PRKCH: variants seen among roughly 807,000 people sequenced by gnomAD.
The protein encoded by PRKCH is protein kinase C eta, also known as protein kinase C eta type.
PRKCH carries 28 observed loss-of-function variants against 82.5 expected under a neutral mutation model. That is an observed-to-expected ratio of 0.34 (90% CI 0.25 to 0.47). The LOEUF (loss-of-function observed/expected upper bound fraction) is 0.47, where lower values mean the gene tolerates loss of function less well. PRKCH is among the 20% of genes least tolerant of loss of function. The pLI is 1.00. For synonymous variants in PRKCH, 322 were observed against 327.4 expected, an observed-to-expected ratio of 0.98 and a Z score of 0.18; for missense variants, 705 against 881.8, an observed-to-expected ratio of 0.80 and a Z score of 2.54.
chr14:61,351,638 A>G (rs1447257695), intron 1 of PRKCH, among the ~76,000 whole-genome samples: 1 of 152,166 alleles, frequency 6.6e-6, no homozygotes, highest in East Asian at 1.9e-4. Flanking sequence ...TGGAGGACGC[A>G]TGTTGGGTGT....
At chr14:61,245,070 A>G (rs7150683) in intron 1 of PRKCH, among the ~76,000 whole-genome samples, 110,147 of 152,162 alleles carry the variant, frequency 0.72, 40,609 homozygotes, top group Non-Finnish European at 0.79. Flanking sequence ...TGACATCTCT[A>G]TGTTTCTTGT....
At chr14:61,300,264 A>G (rs11158336) in intron 1 of PRKCH, among the ~76,000 whole-genome samples, 82,680 of 152,140 alleles carry the variant, frequency 0.54, 26,240 homozygotes, top group Non-Finnish European at 0.7. Flanking sequence ...CTTAGATAAC[A>G]TGTAACAGGA....
intron 10 of PRKCH, among the ~76,000 whole-genome samples, chr14:61,527,135 T>G (rs1249803926): frequency 1.3e-4 from 20 of 152,142 alleles, no homozygotes; most frequent in Admixed American, 1.3e-3. Flanking sequence ...ACAGACAGCT[T>G]TATCAGTACA....
At chr14:61,443,396 A>C in intron 3 of PRKCH, 135 bp downstream of exon 3, 1 of 866,438 alleles carries the variant, frequency 1.2e-6, no homozygotes, top group Non-Finnish European at 1.6e-6. Flanking sequence ...TTACTCTAGT[A>C]TGTTGACCCA....
At chr14:61,496,901 T>A (rs1594763194) in intron 10 of PRKCH, among the ~76,000 whole-genome samples, 1 of 152,206 alleles carries the variant, frequency 6.6e-6, no homozygotes, top group East Asian at 1.9e-4. Context: ...ATGACAGCGC[T>A]ATGATATGAC....
intron 12 of PRKCH, among the ~76,000 whole-genome samples, chr14:61,541,525 T>C (rs1008340207): frequency 1.1e-4 from 17 of 152,238 alleles, no homozygotes; most frequent in Non-Finnish European, 5.9e-5. Flanking sequence ...CAGCATTAGC[T>C]GCTAACTCTC....
At chr14:61,254,430 T>C (rs903451066) in intron 1 of PRKCH, among the ~76,000 whole-genome samples, 24 of 152,062 alleles carry the variant, frequency 1.6e-4, no homozygotes, top group East Asian at 1.9e-4. Context: ...CTGGGCAACA[T>C]AGGGAGACTT....
At chr14:61,377,173 G>A (rs1220158425) in intron 1 of PRKCH, among the ~76,000 whole-genome samples, 1 of 152,170 alleles carries the variant, frequency 6.6e-6, no homozygotes, top group Non-Finnish European at 1.5e-5. Flanking sequence ...GAAGCTGCTT[G>A]TTTCCATGTC....
At chr14:61,442,199 T>C (rs1884007178) in intron 2 of PRKCH, among the ~76,000 whole-genome samples, 1 of 152,142 alleles carries the variant, frequency 6.6e-6, no homozygotes, top group Non-Finnish European at 1.5e-5. Flanking sequence ...ACTAGAAAAA[T>C]TCTAGTATAA....
chr14:61,439,617 G>T (rs373251717), intron 2 of PRKCH, among the ~76,000 whole-genome samples: 1 of 147,730 alleles, frequency 6.8e-6, no homozygotes, highest in Non-Finnish European at 1.5e-5. Flanking sequence ...CCTGCTGTGG[G>T]AACAGTGGGT....
chr14:61,240,262 A>C (rs2140065566), intron 1 of PRKCH, among the ~76,000 whole-genome samples: 1 of 152,328 alleles, frequency 6.6e-6, no homozygotes, highest in Admixed American at 6.5e-5. Context: ...GGGAGCCTCC[A>C]AACAGAGAAA....
At chr14:61,352,690 GA>G (rs768667591) in intron 1 of PRKCH, among the ~76,000 whole-genome samples, 1 of 10,836 alleles carries the variant, frequency 9.2e-5, no homozygotes, top group Non-Finnish European at 3.2e-4. Context: ...GAAAGGAAAG[GA>G]AAGAAAGAAA....
intron 1 of PRKCH, among the ~76,000 whole-genome samples, chr14:61,261,202 C>T (rs1727614607): frequency 6.6e-6 from 1 of 152,200 alleles, no homozygotes; most frequent in South Asian, 2.1e-4. Context: ...CACACACGCA[C>T]ATGCACATGC....
chr14:61,549,330 A>T (rs1171797938), intron 13 of PRKCH, among the ~76,000 whole-genome samples: 1 of 152,246 alleles, frequency 6.6e-6, no homozygotes, highest in Non-Finnish European at 1.5e-5. Flanking sequence ...ATACAGCTGC[A>T]CACCCCTCAG....
chr14:61,204,336 A>G (rs932969300), intron 1 of PRKCH, among the ~76,000 whole-genome samples: 3 of 152,222 alleles, frequency 2.0e-5, no homozygotes, highest in Non-Finnish European at 4.4e-5. Flanking sequence ...CATTTTATGT[A>G]TGAGGAAATT....
At chr14:61,376,089 C>T (rs931871996) in intron 1 of PRKCH, among the ~76,000 whole-genome samples, 6 of 151,554 alleles carry the variant, frequency 4.0e-5, no homozygotes, top group African/African-American at 1.5e-4. Flanking sequence ...GTACTCAAGG[C>T]CTTTAATGGG....
intron 1 of PRKCH, among the ~76,000 whole-genome samples, chr14:61,222,748 G>C (rs1386516731): frequency 6.6e-6 from 1 of 152,198 alleles, no homozygotes; most frequent in African/African-American, 2.4e-5. Context: ...AGCAGTGTTT[G>C]AGAAAATAAA....
chr14:61,425,405 A>G (rs542562052), intron 2 of PRKCH, among the ~76,000 whole-genome samples: 4 of 152,362 alleles, frequency 2.6e-5, no homozygotes, highest in East Asian at 3.9e-4. Flanking sequence ...GATGTGAGAC[A>G]TGGAGTCAAA....
intron 2 of PRKCH, among the ~76,000 whole-genome samples, chr14:61,428,076 T>TAGATAGATACACACAC (rs377250538): frequency 4.8e-5 from 6 of 126,202 alleles, no homozygotes; most frequent in African/African-American, 9.2e-5. Context: ...GATAGATAGA[T>TAGATAGATACACACAC]ACACACACAC....
Sources: allele counts gnomAD v4.1 joint callset (sites outside exome capture counted in the v4.1 genomes callset), GRCh38; gene constraint gnomAD v4.1.1; transcripts MANE v1.5; gene names NCBI Gene and HGNC (gene_info 2026-07-23, HGNC 2026-07-21).